PKHD1L1: variants seen among roughly 807,000 people sequenced by gnomAD.
PKHD1L1 encodes the protein fibrocystin-L.
PKHD1L1 carries 434 observed loss-of-function variants against 462.9 expected under a neutral mutation model. The observed-to-expected ratio is 0.94, with a 90% confidence interval of 0.87 to 1.02. The LOEUF is 1.02. Ranked by LOEUF, PKHD1L1 falls within the 50% of genes least tolerant of loss-of-function variation. The pLI, the probability that PKHD1L1 is intolerant of heterozygous loss-of-function variation, is 0.00. For missense variants in PKHD1L1, 5,202 were observed against 5,096.1 expected (o/e 1.02, Z -0.63); for synonymous variants, 1,781 against 1,750.0 (o/e 1.02, Z -0.44).
chr8:109,455,322 A>G (rs1009812148), intron 45 of PKHD1L1, among the ~76,000 whole-genome samples: 1 of 152,188 alleles, frequency 6.6e-6, no homozygotes, highest in Non-Finnish European at 1.5e-5. Flanking sequence ...TGGGCAATAG[A>G]GTGAGACTCT....
intron 16 of PKHD1L1, among the ~76,000 whole-genome samples, chr8:109,405,486 C>T (rs951004690): frequency 7.2e-5 from 11 of 152,128 alleles, no homozygotes; most frequent in Non-Finnish European, 1.5e-4. Flanking sequence ...AAATGTGGTA[C>T]ACCATAGAAT....
At chr8:109,367,378 T>C (rs987158515) in intron 2 of PKHD1L1, among the ~76,000 whole-genome samples, 4 of 152,264 alleles carry the variant, frequency 2.6e-5, no homozygotes, top group Admixed American at 1.3e-4. Flanking sequence ...GGCTTCATAT[T>C]ACTTTTTGAA....
At chr8:109,525,010 A>G (rs1400664683) in intron 76 of PKHD1L1, among the ~76,000 whole-genome samples, 2 of 152,176 alleles carry the variant, frequency 1.3e-5, no homozygotes, top group African/African-American at 4.8e-5. Context: ...TTTTAAATCA[A>G]TTAGCCAGTT....
At chr8:109,513,555 A>G (rs187549331) in intron 71 of PKHD1L1, among the ~76,000 whole-genome samples, 1 of 152,226 alleles carries the variant, frequency 6.6e-6, no homozygotes, top group East Asian at 1.9e-4. Context: ...CAGTAGTGTC[A>G]TCACTCAGAT....
chr8:109,461,690 G>T (rs1817133022), intron 47 of PKHD1L1, 82 bp from the exon 48 acceptor site: 1 of 1,415,082 alleles, frequency 7.1e-7, no homozygotes, highest in East Asian at 2.5e-5. Flanking sequence ...TGAATCAAAT[G>T]ATACACTTAG....
chr8:109,458,598 T>C (rs759243863), intron 46 of PKHD1L1, among the ~76,000 whole-genome samples: 1 of 152,148 alleles, frequency 6.6e-6, no homozygotes, highest in Non-Finnish European at 1.5e-5. Context: ...GTATTGAGAA[T>C]GCAGAAGTAG....
intron 72 of PKHD1L1, among the ~76,000 whole-genome samples, chr8:109,517,170 T>A (rs1820312446): frequency 6.6e-6 from 1 of 152,086 alleles, no homozygotes; most frequent in Admixed American, 6.6e-5. Context: ...TACAGATAAA[T>A]GTGTGTTTTA....
At chr8:109,492,107 A>T in intron 62 of PKHD1L1, 113 bp downstream of exon 62, 1 of 867,208 alleles carries the variant, frequency 1.2e-6, no homozygotes, top group Non-Finnish European at 1.6e-6. Flanking sequence ...AAGATGATGT[A>T]AGTTTCGATG....
intron 47 of PKHD1L1, among the ~76,000 whole-genome samples, chr8:109,460,458 A>G (rs915844146): frequency 2.0e-5 from 3 of 152,134 alleles, no homozygotes; most frequent in Non-Finnish European, 4.4e-5. Flanking sequence ...TATAGATCTG[A>G]GCCAGTGGGG....
chr8:109,523,468 T>C (rs1820662725), intron 76 of PKHD1L1, 82 bp downstream of exon 76: 1 of 1,312,426 alleles, frequency 7.6e-7, no homozygotes, highest in African/African-American at 1.5e-5. Context: ...CAAAGCATTC[T>C]GTAACACTCT....
Position 109,493,767 on chromosome 8 carries a change from C to A in PKHD1L1, c.10327+16C>A, listed in dbSNP as rs552686992. 2 of 1,532,762 alleles carry A rather than the reference C, an allele frequency of 1.3e-6. No individual in the cohort carries two copies. The highest frequency in any genetic ancestry group is 1.8e-6 in the Non-Finnish European group (2 of 1,126,632). 94.9% of individuals were successfully genotyped at this position (1,532,762 alleles called of 1,614,324 possible). On this transcript the variant is annotated intron_variant, in intron 63 of 77. Coordinates refer to ENST00000378402, the MANE Select transcript of PKHD1L1 (RefSeq NM_177531.6). ...CCTTGCCCAGGTAAGTCTTTTAAAC[C>A]AGGAATCGCTAAAACTAGGAAATAA...
intron 44 of PKHD1L1, 109 bp from the exon 45 acceptor site, chr8:109,454,614 A>G: frequency 6.9e-7 from 1 of 1,447,916 alleles, no homozygotes; most frequent in Non-Finnish European, 9.4e-7. Context: ...CAACTGAGCA[A>G]TTAATTCTCA....
intron 38 of PKHD1L1, 57 bp downstream of exon 38, chr8:109,445,702 T>C (rs916196062): frequency 4.3e-5 from 61 of 1,429,040 alleles, no homozygotes; most frequent in Non-Finnish European, 5.2e-5. Context: ...TATTTATTAG[T>C]ATGGAATTGG....
At chr8:109,402,347 G>T (rs965930) in intron 14 of PKHD1L1, among the ~76,000 whole-genome samples, 46,229 of 152,024 alleles carry the variant, frequency 0.3, 7,667 homozygotes, top group Admixed American at 0.44. Flanking sequence ...TTGGCTGAGC[G>T]GTTCTTTTAG....
intron 3 of PKHD1L1, 34 bp downstream of exon 3, chr8:109,381,548 T>C: frequency 6.9e-7 from 1 of 1,442,296 alleles, no homozygotes; most frequent in Non-Finnish European, 9.5e-7. Context: ...AAAATCATTT[T>C]CATCATATCA....
intron 77 of PKHD1L1, among the ~76,000 whole-genome samples, chr8:109,528,940 G>A (rs1820947742): frequency 6.6e-6 from 1 of 152,078 alleles, no homozygotes; most frequent in South Asian, 2.1e-4. Flanking sequence ...TAATCAGTTT[G>A]CAATTCATTT....
At position 109,454,265 on chromosome 8, in the gene PKHD1L1, T is replaced by C. The variant is rs373817746; in HGVS notation, c.6744+19T>C. 3.0e-5 allele frequency: 46 copies of C among 1,531,482 alleles called. No homozygotes were observed. In the East Asian group the frequency reaches 3.6e-4, roughly 12 times the overall value. 94.9% of individuals were successfully genotyped at this position (1,531,482 alleles called of 1,614,324 possible). On this transcript the variant is annotated intron_variant, in intron 44 of 77. Coordinates refer to ENST00000378402, the MANE Select transcript of PKHD1L1 (RefSeq NM_177531.6). ...TCTTCAGGTATTCAAAAGAACATAA[T>C]ACATATTCATTTCCAACCTGTCTCC...
rs773370995 is a variant in PKHD1L1 at position 109,442,084 on chromosome 8, A to G, written c.4282A>G (p.Thr1428Ala). 1.9e-6 allele frequency: 3 copies of G among 1,613,504 alleles called. No individual in the cohort carries two copies. Among genetic ancestry groups the G allele is most frequent in the Non-Finnish European group, 2.5e-6 (3 of 1,179,596 alleles). ...VGDTVAWHWQ[T>A]HPFLRGIGYR... is the part of the protein sequence containing the mutation. ...GGACACAGTGGCATGGCATTGGCAA[A>G]CACATCCGTTTCTTAGAGGGATAGG... is the stretch of plus-strand genomic sequence containing the variant. The change falls in exon 35 of 78, where the codon ACA (threonine) becomes GCA (alanine). Residue 1428 changes from threonine to alanine, a missense_variant. By Grantham distance (58) the Thr-to-Ala change is moderately conservative. Around this residue, in one of 3 missense-constraint regions of PKHD1L1, gnomAD observed 4,497 missense variants for 4,336.8 expected, o/e 1.04. Transcript: ENST00000378402.
intron 12 of PKHD1L1, 122 bp from the exon 13 acceptor site, chr8:109,399,954 C>A: frequency 2.9e-6 from 3 of 1,050,198 alleles, no homozygotes; most frequent in Non-Finnish European, 4.1e-6. Context: ...ATTGTTTTGT[C>A]TGCACACATA....
Sources: allele counts gnomAD v4.1 joint callset (sites outside exome capture counted in the v4.1 genomes callset), GRCh38; gene constraint gnomAD v4.1.1; regional missense constraint gnomAD v4.1.1; transcripts MANE v1.5; gene names NCBI Gene and HGNC (gene_info 2026-07-23, HGNC 2026-07-21).